The following VAV2 variants were observed in gnomAD, a reference collection of about 807,000 sequenced individuals.
VAV2 encodes the protein guanine nucleotide exchange factor VAV2.
In VAV2, 67 loss-of-function variants were observed where a neutral mutation model predicts 132.5. The observed-to-expected ratio is 0.51, with a 90% CI of 0.42 to 0.62. The LOEUF (loss-of-function observed/expected upper bound fraction) is 0.62. Ranked by LOEUF, VAV2 falls within the 20% of genes least tolerant of loss-of-function variation. The pLI is 0.00. For missense variants in VAV2, 938 were observed against 1,153.6 expected (o/e 0.81, Z 2.71); for synonymous variants, 492 against 443.5 (o/e 1.11, Z -1.37).
At position 133,804,103 on chromosome 9, in the gene VAV2, T is replaced by C. The variant is rs1209363733; in HGVS notation, c.836+1978A>G. The stretch of plus-strand genomic sequence containing the variant: ...AGCTCTGTTCACTGCGTGTCCTCAG[T>C]CCAGAGCTCAGGAGCCATACAGAGC... On this transcript the variant is annotated intron_variant, in intron 9 of 29. Transcript: ENST00000371850. The surrounding 1 kb of genome is among the most constrained non-coding windows in gnomAD (Gnocchi z 4.5). Among the ~76,000 whole-genome samples, 1 of 151,992 alleles carries C rather than the reference T, an allele frequency of 6.6e-6. No individual in the cohort carries two copies. The highest frequency in any genetic ancestry group is 1.5e-5 in the Non-Finnish European group (1 of 67,994).
rs558674580 is a variant in VAV2 at position 133,984,254 on chromosome 9, G to A, written c.204+7821C>T. On this transcript the variant is annotated intron_variant, in intron 1 of 29. Transcript: ENST00000371850. The stretch of plus-strand genomic sequence containing the variant: ...ATCCCAAAGTGCTGGGATTACAGGC[G>A]TGAGCCACTGTACCTAGTCTGTCTC... Among the ~76,000 whole-genome samples, 17 of 152,022 alleles carry A rather than the reference G, an allele frequency of 1.1e-4. No homozygotes were observed. In the East Asian group the frequency reaches 3.3e-3, roughly 29 times the overall value.
chr9:133,861,511 G>A, intron 2 of VAV2, 79 bp from the exon 3 acceptor site: 1 of 1,522,348 alleles, frequency 6.6e-7, no homozygotes. Context: ...ACGCTGCTTT[G>A]CAGGACGTCG....
intron 8 of VAV2, among the ~76,000 whole-genome samples, chr9:133,806,450 G>A (rs1835148743): frequency 6.6e-6 from 1 of 152,296 alleles, no homozygotes; most frequent in South Asian, 2.1e-4. Flanking sequence ...GGCCGACTCG[G>A]GGCGGGCTCT....
Position 133,910,841 on chromosome 9 carries a change from A to AG in VAV2, c.321+28261_321+28262insC, listed in dbSNP as rs1447757490. On this transcript the variant is annotated intron_variant, in intron 2 of 29. Transcript: ENST00000371850. Reference sequence around the variant, plus strand: ...TCGGTCTCAAAAAAAAAAAAAAGAAAAAGAAAAAGAAAACTGGGGACAGAA... The same window carrying AG: ...TCGGTCTCAAAAAAAAAAAAAAGAAAGAAGAAAAAGAAAACTGGGGACAGAA... 4.0e-5 allele frequency among the ~76,000 whole-genome samples: 6 copies of AG among 151,062 alleles called. No individual in the cohort carries two copies. In the East Asian group the frequency reaches 9.8e-4, roughly 25 times the overall value.
At chr9:133,791,736 T>C in intron 13 of VAV2, 47 bp downstream of exon 13, 1 of 1,526,616 alleles carries the variant, frequency 6.6e-7, no homozygotes, top group Non-Finnish European at 9.1e-7. Context: ...ACTTTATAGG[T>C]ACGTCCTCAT....
Position 133,840,317 on chromosome 9 carries a change from C to T in VAV2, c.381-5977G>A, listed in dbSNP as rs1440692759. On this transcript the variant is annotated intron_variant, in intron 3 of 29. Coordinates refer to ENST00000371850, the MANE Select transcript of VAV2 (RefSeq NM_001134398.2). The surrounding 1 kb of genome is among the most constrained non-coding windows in gnomAD (Gnocchi z 4.5). ...ACAGGAAGCAGAGAAGCCCCAAGTG[C>T]TGAGTGCAGAGAAATCCCCAGCAGA... Among the ~76,000 whole-genome samples the T allele has an allele frequency of 6.6e-6, 1 of 152,172 alleles. No individual in the cohort carries two copies. Among genetic ancestry groups the T allele is most frequent in the Non-Finnish European group, 1.5e-5 (1 of 68,024 alleles).
At chr9:133,893,855 GA>G (rs1839086394) in intron 2 of VAV2, among the ~76,000 whole-genome samples, 1 of 142,738 alleles carries the variant, frequency 7.0e-6, no homozygotes, top group Non-Finnish European at 1.5e-5. Flanking sequence ...CAGCAGCGGC[GA>G]GAGTCGGGCG....
At chr9:133,882,783 C>T (rs1191660067) in intron 2 of VAV2, among the ~76,000 whole-genome samples, 1 of 152,164 alleles carries the variant, frequency 6.6e-6, no homozygotes, top group Non-Finnish European at 1.5e-5. Flanking sequence ...CAGACAGACT[C>T]AGGGATACAA....
At chr9:133,945,103 G>A (rs988814657) in intron 1 of VAV2, among the ~76,000 whole-genome samples, 1 of 152,222 alleles carries the variant, frequency 6.6e-6, no homozygotes, top group East Asian at 1.9e-4. Flanking sequence ...AGGTCAGCTG[G>A]CCTGCCCAAG....
chr9:133,789,090 C>T (rs1022515615), intron 14 of VAV2, among the ~76,000 whole-genome samples, 168 bp downstream of exon 14: 1 of 152,234 alleles, frequency 6.6e-6, no homozygotes, highest in Non-Finnish European at 1.5e-5. Context: ...CGCCCGCTCG[C>T]TGACGAGAAG....
intron 21 of VAV2, 58 bp downstream of exon 21, chr9:133,779,860 G>C (rs957288350): frequency 5.6e-6 from 9 of 1,594,756 alleles, no homozygotes; most frequent in Non-Finnish European, 7.7e-6. Flanking sequence ...CCCTGGCTCA[G>C]CTCCCAGGTG....
In VAV2 at chr9:133,812,290, G is replaced by GC; in HGVS notation, c.450-75_450-74insG. 7.6e-6 allele frequency: 11 copies of GC among 1,453,922 alleles called. No individual in the cohort carries two copies. The South Asian group carries it at 1.3e-4, about 17-fold the overall frequency. The allele number at this position is 1,453,922 out of a possible 1,614,324, so 90.1% of individuals were successfully genotyped here. ...TGACCGGGGAGCCGCAGAGCACGAG[G>GC]GTCCACGAGGGACGCAGGCGGCTGG... On this transcript the variant is annotated intron_variant, in intron 4 of 29. Coordinates refer to ENST00000371850, the MANE Select transcript of VAV2 (RefSeq NM_001134398.2).
intron 13 of VAV2, among the ~76,000 whole-genome samples, chr9:133,789,841 T>C (rs1334572131): frequency 2.0e-5 from 3 of 152,252 alleles, no homozygotes; most frequent in African/African-American, 4.8e-5. Flanking sequence ...TTTGTCTCTG[T>C]GACTCTTCTG....
At chr9:133,893,484 A>G (rs963278471) in intron 2 of VAV2, among the ~76,000 whole-genome samples, 8 of 152,230 alleles carry the variant, frequency 5.3e-5, no homozygotes, top group Non-Finnish European at 1.2e-4. Context: ...CCTGCCCCGC[A>G]CGGCCGCCTA....
chr9:133,888,650 G>A (rs1367389159), intron 2 of VAV2, among the ~76,000 whole-genome samples: 10 of 152,294 alleles, frequency 6.6e-5, no homozygotes, highest in East Asian at 3.9e-4. Flanking sequence ...CAGCCTCATC[G>A]TGGACACGAT....
At chr9:133,972,337 A>G (rs543993826) in intron 1 of VAV2, among the ~76,000 whole-genome samples, 5 of 152,312 alleles carry the variant, frequency 3.3e-5, no homozygotes, top group African/African-American at 1.2e-4. Flanking sequence ...ACCCTTCTCT[A>G]AGAACATCTC....
intron 2 of VAV2, among the ~76,000 whole-genome samples, chr9:133,920,787 G>C (rs1292303693): frequency 6.6e-6 from 1 of 152,124 alleles, no homozygotes; most frequent in East Asian, 1.9e-4. Context: ...GCGGCTGCCT[G>C]ACGACACGGG....
At position 133,857,826 on chromosome 9, in the gene VAV2, A is replaced by G. The variant is rs1837443441; in HGVS notation, c.380+3548T>C. ...GTCTGCGCTCAACCCCAAGGGCTGC[A>G]GAGGGAAAGGACCCAGGAAAAGTCC... On this transcript the variant is annotated intron_variant, in intron 3 of 29. Coordinates refer to ENST00000371850, the MANE Select transcript of VAV2 (RefSeq NM_001134398.2). This position sits in a 1 kb window ranked among gnomAD's most constrained non-coding sequence, Gnocchi z 4.0. Among the ~76,000 whole-genome samples the G allele has an allele frequency of 6.6e-6, 1 of 152,216 alleles. No homozygotes were observed. The highest frequency in any genetic ancestry group is 1.5e-5 in the Non-Finnish European group (1 of 68,032).
Position 133,885,280 on chromosome 9 carries a change from C to T in VAV2, c.322-23848G>A, listed in dbSNP as rs1041767537. ...CGCGGCTGTCTACTTGGTCCATGTC[C>T]AGCCGCAGTGGAAGCGCCTGCCCTG... On this transcript the variant is annotated intron_variant, in intron 2 of 29. Transcript: ENST00000371850. This position sits in a 1 kb window ranked among gnomAD's most constrained non-coding sequence, Gnocchi z 5.0. 6.6e-6 allele frequency among the ~76,000 whole-genome samples: 1 copy of T among 152,232 alleles called. No individual in the cohort carries two copies. The highest frequency in any genetic ancestry group is 1.5e-5 in the Non-Finnish European group (1 of 68,042).
Sources: gnomAD v4.1 joint callset for allele counts (sites outside exome capture counted in the v4.1 genomes callset) on GRCh38, gnomAD v4.1.1 for gene constraint, Gnocchi (gnomAD v3.1) non-coding constraint, MANE v1.5 for transcripts, NCBI Gene and HGNC (gene_info 2026-07-23, HGNC 2026-07-21) for gene names.